MORC2: variants seen among roughly 807,000 people sequenced by gnomAD.
MORC2 encodes the protein MORC family CW-type zinc finger 2, also known as ATPase MORC2.
In MORC2, 30 loss-of-function variants were observed where a neutral mutation model predicts 136.0. The observed-to-expected ratio is 0.22, with a 90% CI of 0.17 to 0.30. MORC2 has a LOEUF of 0.30. MORC2 is among the 10% of genes least tolerant of loss of function. MORC2 has a pLI of 1.00. For missense variants in MORC2, 922 were observed against 1,333.1 expected (o/e 0.69, Z 4.80); for synonymous variants, 439 against 487.0 (o/e 0.90, Z 1.30).
At chr22:30,964,325 C>G (rs1209603867) in intron 1 of MORC2, among the ~76,000 whole-genome samples, 1 of 152,058 alleles carries the variant, frequency 6.6e-6, no homozygotes, top group Admixed American at 6.5e-5. Flanking sequence ...CCACTGCACT[C>G]CAGCCTGGGT....
intron 1 of MORC2, among the ~76,000 whole-genome samples, chr22:30,963,593 C>A (rs779781137): frequency 2.0e-5 from 3 of 151,970 alleles, no homozygotes; most frequent in African/African-American, 4.8e-5. Context: ...ACCGTGTTGG[C>A]CAGGCTGGTC....
rs753362631 is a variant in MORC2, at chr22:30,932,329, G to C, written c.2841+30C>G. On this transcript the variant is annotated intron_variant, in intron 24 of 25. Transcript: ENST00000397641. This position sits in a 1 kb window ranked among gnomAD's most constrained non-coding sequence, Gnocchi z 4.4. ...AGGGGCAGGGGTGGGGGAATGAAGA[G>C]TGTGGAATCGAAGGTCAGGCCAGAC... 1 of 1,532,750 alleles carries C rather than the reference G, an allele frequency of 6.5e-7. No homozygotes were observed. Among genetic ancestry groups the C allele is most frequent in the South Asian group, 1.1e-5 (1 of 88,064 alleles). 94.9% of individuals were successfully genotyped at this position (1,532,750 alleles called of 1,614,324 possible).
At chr22:30,936,394 C>T (rs568223459) in intron 17 of MORC2, 117 bp downstream of exon 17, 15 of 1,421,110 alleles carry the variant, frequency 1.1e-5, no homozygotes, top group African/African-American at 7.2e-5. Context: ...TGGCAAACAA[C>T]GCGGGTGAGT....
At chr22:30,945,178 C>G (rs945266001) in intron 6 of MORC2, among the ~76,000 whole-genome samples, 3 of 152,150 alleles carry the variant, frequency 2.0e-5, no homozygotes, top group Admixed American at 1.3e-4. Context: ...TCCTGAAAAC[C>G]CCAACCCAGG....
chr22:30,937,506 A>C lies in MORC2; in HGVS notation c.1498+77T>G. 6.4e-7 allele frequency: 1 copy of C among 1,563,250 alleles called. No homozygotes were observed. The highest frequency in any genetic ancestry group is 1.2e-5 in the South Asian group (1 of 82,760). ...GTCCATGAATGTCAGTCAAGTTAGG[A>C]GGCTGGCAGGAAGATAGAGAAAAGA... On this transcript the variant is annotated intron_variant, in intron 15 of 25. Transcript: ENST00000397641. The surrounding 1 kb of genome is among the most constrained non-coding windows in gnomAD (Gnocchi z 4.7).
In MORC2 at chr22:30,925,324, G is replaced by C. The variant is rs1184606463; in HGVS notation, c.*1479C>G. The C allele has an allele frequency of 3.9e-6, 1 of 258,218 alleles. No individual in the cohort carries two copies. The highest frequency in any genetic ancestry group is 2.3e-5 in the African/African-American group (1 of 43,422). 16.0% of individuals were successfully genotyped at this position (258,218 alleles called of 1,614,324 possible). On this transcript the variant is annotated 3_prime_UTR_variant, in exon 26 of 26. Transcript: ENST00000397641. ...GAGCAGGATGGCAGAGGAATCACCA[G>C]CTCAAGAAACCCCAAGACTTGGACA... is the stretch of plus-strand genomic sequence containing the variant.
chr22:30,944,278 C>G (rs1434824846), intron 6 of MORC2, among the ~76,000 whole-genome samples: 1 of 152,182 alleles, frequency 6.6e-6, no homozygotes, highest in Non-Finnish European at 1.5e-5. Flanking sequence ...TTCTATAAAC[C>G]TGTACCTCAC....
chr22:30,928,243 T>C (rs1318069507), intron 24 of MORC2, 36 bp from the exon 25 acceptor site: 4 of 1,611,524 alleles, frequency 2.5e-6, no homozygotes, highest in Non-Finnish European at 3.4e-6. Flanking sequence ...AGTGTGTAAG[T>C]TCACAGGGGT....
Position 30,937,431 on chromosome 22 carries a change from G to C in MORC2, c.1498+152C>G, listed in dbSNP as rs955077291. On this transcript the variant is annotated intron_variant, in intron 15 of 25. Coordinates refer to ENST00000397641, the MANE Select transcript of MORC2 (RefSeq NM_001303256.3). This position sits in a 1 kb window ranked among gnomAD's most constrained non-coding sequence, Gnocchi z 4.7. ...TGAAACTCAGCAAAGCCTCAAGACTGAGCTCACAGGGCCATCGTCAAACAG... is the reference window on the plus strand; with the variant it reads ...TGAAACTCAGCAAAGCCTCAAGACTCAGCTCACAGGGCCATCGTCAAACAG... 9.1e-6 allele frequency: 11 copies of C among 1,207,274 alleles called. No homozygotes were observed. In the African/African-American group the frequency reaches 1.1e-4, roughly 12 times the overall value. 74.8% of individuals were successfully genotyped at this position (1,207,274 alleles called of 1,614,324 possible). A position where few individuals can be genotyped will look rare whatever the true frequency, so the allele number is the denominator to read the frequency against.
chr22:30,926,882 G>C lies in MORC2; in HGVS notation c.3031-11C>G. 6.2e-7 allele frequency: 1 copy of C among 1,611,304 alleles called. No homozygotes were observed. The highest frequency in any genetic ancestry group is 1.3e-5 in the African/African-American group (1 of 74,920). On this transcript the variant is annotated splice_polypyrimidine_tract_variant and intron_variant, in intron 25 of 25. Transcript: ENST00000397641. ...GTTGATGTCTATGTCCTGGAATAGA[G>C]CAGGGTAGGGATCAACTGGGGGCCA...
intron 2 of MORC2, 29 bp from the exon 3 acceptor site, chr22:30,956,826 G>T: frequency 6.6e-7 from 1 of 1,505,802 alleles, no homozygotes. Context: ...AGAATCATGT[G>T]AATTAATATG....
At position 30,958,661 on chromosome 22, in the gene MORC2, A is replaced by G; in HGVS notation, c.102T>C (p.Ala34=). The change falls in exon 2 of 26, where the codon GCT becomes GCC. Residue 34 remains alanine (A), a synonymous_variant. Transcript: ENST00000397641. ...TTHEFLFGAL[A]ELVDNARDAD... is the part of the protein sequence containing the mutation. ...CATACCTTGCATTATCAACCAGTTC[A>G]GCAAGGGCACCAAACAAGAATTCGT... The G allele has an allele frequency of 6.5e-7, 1 of 1,549,288 alleles. No homozygotes were observed. The highest frequency in any genetic ancestry group is 1.2e-5 in the South Asian group (1 of 84,038).
intron 20 of MORC2, among the ~76,000 whole-genome samples, chr22:30,933,782 G>A (rs541201574): frequency 5.3e-5 from 8 of 152,284 alleles, no homozygotes; most frequent in African/African-American, 1.4e-4. Context: ...TCAGGCCTGT[G>A]GTTAAGCCAG....
chr22:30,965,235 G>C (rs2041109779), intron 1 of MORC2, among the ~76,000 whole-genome samples: 1 of 152,164 alleles, frequency 6.6e-6, no homozygotes, highest in African/African-American at 2.4e-5. Flanking sequence ...CAATACTGTA[G>C]ATGTCAGACA....
intron 6 of MORC2, among the ~76,000 whole-genome samples, chr22:30,946,090 A>T (rs2040811472): frequency 6.6e-6 from 1 of 152,124 alleles, no homozygotes; most frequent in African/African-American, 2.4e-5. Flanking sequence ...AATTCCTGCC[A>T]CTTGACAGTC....
intron 1 of MORC2, chr22:30,967,201 C>T: frequency 1.0e-6 from 1 of 985,658 alleles, no homozygotes; most frequent in Non-Finnish European, 1.2e-6. Context: ...ATTACTCCTT[C>T]ATGAACTCAA....
chr22:30,932,393 G>T lies in MORC2; in HGVS notation c.2807C>A (p.Ala936Asp). 1 of 1,614,100 alleles carries T rather than the reference G, an allele frequency of 6.2e-7. No homozygotes were observed. The highest frequency in any genetic ancestry group is 8.5e-7 in the Non-Finnish European group (1 of 1,179,968). Residue 936 changes from alanine to aspartate, a missense_variant, in exon 24 of 26, where the codon GCT (alanine) becomes GAT (aspartate). Coordinates refer to ENST00000397641, the MANE Select transcript of MORC2 (RefSeq NM_001303256.3). This position sits in a 1 kb window ranked among gnomAD's most constrained non-coding sequence, Gnocchi z 4.4. ...AGATATTAGCTCATCTGAATTCATA[G>T]CACTCAGCTGCTTCTTGGAGATGGG... Reference protein sequence around the residue: ...SFPISKKQLSAMNSDELISFP... With the variant: ...SFPISKKQLSDMNSDELISFP...
At chr22:30,938,291 C>T in intron 12 of MORC2, 86 bp from the exon 13 acceptor site, 2 of 1,509,248 alleles carry the variant, frequency 1.3e-6, no homozygotes, top group Non-Finnish European at 9.0e-7. Context: ...TAAGCTTAAA[C>T]TTGAAACATG....
In MORC2 at chr22:30,932,549, G is replaced by A; in HGVS notation, c.2743C>T (p.Leu915Phe). 1.2e-6 allele frequency: 2 copies of A among 1,614,126 alleles called. No individual in the cohort carries two copies. The highest frequency in any genetic ancestry group is 1.1e-5 in the South Asian group (1 of 91,074). The change falls in exon 23 of 26, where the codon CTC becomes TTC. Residue 915 changes from leucine to phenylalanine, a missense_variant. Around this residue, in one of 9 missense-constraint regions of MORC2, gnomAD observed 263 missense variants for 388.3 expected, o/e 0.68. Coordinates refer to ENST00000397641, the MANE Select transcript of MORC2 (RefSeq NM_001303256.3). This position sits in a 1 kb window ranked among gnomAD's most constrained non-coding sequence, Gnocchi z 4.4. ...GAAGACAAAAGACACATGTACCGGA[G>A]GATCTGGACAAGCAGGTCGATGGTC... Reference protein sequence around the residue: ...HETIDLLVQILRNCLRYFLPP... With the variant: ...HETIDLLVQIFRNCLRYFLPP...
Sources: allele counts gnomAD v4.1 joint callset (sites outside exome capture counted in the v4.1 genomes callset), GRCh38; gene constraint gnomAD v4.1.1; regional missense constraint gnomAD v4.1.1; non-coding constraint Gnocchi (gnomAD v3.1); transcripts MANE v1.5; gene names NCBI Gene and HGNC (gene_info 2026-07-23, HGNC 2026-07-21).